The following CNTNAP2 variants were observed in gnomAD, a reference collection of about 807,000 sequenced individuals.
CNTNAP2 encodes contactin-associated protein-like 2.
A neutral mutation model predicts 155.2 loss-of-function variants in CNTNAP2; 98 were observed. The observed-to-expected ratio is 0.63, with a 90% CI of 0.54 to 0.75. The LOEUF (loss-of-function observed/expected upper bound fraction) is 0.75, where lower values mean the gene tolerates loss of function less well. CNTNAP2 is among the 30% of genes least tolerant of loss of function. CNTNAP2 has a pLI of 0.00. For synonymous variants in CNTNAP2, 651 were observed against 631.2 expected, an observed-to-expected ratio of 1.03 and a Z score of -0.47; for missense variants, 1,727 against 1,688.1, an observed-to-expected ratio of 1.02 and a Z score of -0.40.
intron 1 of CNTNAP2, among the ~76,000 whole-genome samples, chr7:146,318,884 T>C (rs1370252246): frequency 6.6e-6 from 1 of 152,218 alleles, no homozygotes; most frequent in African/African-American, 2.4e-5. Flanking sequence ...ACATAATATG[T>C]ATGTATAATC....
At chr7:146,924,382 C>T (rs1290244951) in intron 3 of CNTNAP2, among the ~76,000 whole-genome samples, 1 of 152,132 alleles carries the variant, frequency 6.6e-6, no homozygotes, top group Admixed American at 6.6e-5. Flanking sequence ...ATTCCATTCA[C>T]TGAGGTAGGC....
chr7:148,123,523 A>G (rs2116617033), intron 16 of CNTNAP2, among the ~76,000 whole-genome samples: 1 of 152,078 alleles, frequency 6.6e-6, no homozygotes, highest in South Asian at 2.1e-4. Flanking sequence ...CTCGAGCCCA[A>G]GAATTTGAGG....
At chr7:148,169,980 T>A (rs763342193) in intron 17 of CNTNAP2, among the ~76,000 whole-genome samples, 1 of 151,988 alleles carries the variant, frequency 6.6e-6, no homozygotes, top group Non-Finnish European at 1.5e-5. Flanking sequence ...AGTTTCATGA[T>A]ATGTTAAGTG....
chr7:146,886,547 T>C (rs1343551741), intron 3 of CNTNAP2, among the ~76,000 whole-genome samples: 1 of 151,320 alleles, frequency 6.6e-6, no homozygotes, highest in Non-Finnish European at 1.5e-5. Context: ...GCCTGGACTG[T>C]ATGTTTTTTT....
chr7:148,188,587 C>T (rs538813053), intron 18 of CNTNAP2, among the ~76,000 whole-genome samples: 1 of 152,334 alleles, frequency 6.6e-6, no homozygotes, highest in South Asian at 2.1e-4. Flanking sequence ...TCTCTCCCCT[C>T]TGGCAGTTTC....
intron 1 of CNTNAP2, among the ~76,000 whole-genome samples, chr7:146,505,784 G>A (rs539361639): frequency 3.3e-5 from 5 of 152,178 alleles, no homozygotes; most frequent in Non-Finnish European, 5.9e-5. Context: ...CTGGTTGGAG[G>A]AAGTCATCTT....
intron 13 of CNTNAP2, among the ~76,000 whole-genome samples, chr7:147,724,544 GTGT>G (rs1003930450): frequency 5.3e-5 from 8 of 152,008 alleles, no homozygotes; most frequent in Non-Finnish European, 1.0e-4. Context: ...TCCTGTTGAG[GTGT>G]TGTTGTTTAA....
At chr7:146,265,895 T>C (rs976005163) in intron 1 of CNTNAP2, among the ~76,000 whole-genome samples, 2 of 152,160 alleles carry the variant, frequency 1.3e-5, no homozygotes, top group Non-Finnish European at 2.9e-5. Flanking sequence ...TAAGGGGAGA[T>C]GAACCTTCTT....
chr7:147,723,039 A>G (rs565335040), intron 13 of CNTNAP2, among the ~76,000 whole-genome samples: 2 of 152,092 alleles, frequency 1.3e-5, no homozygotes, highest in Admixed American at 6.6e-5. Context: ...TAACACCTCC[A>G]TTTTGCAGAT....
intron 3 of CNTNAP2, among the ~76,000 whole-genome samples, chr7:146,987,846 CAAT>C (rs1178867439): frequency 2.0e-5 from 3 of 151,980 alleles, no homozygotes. Flanking sequence ...CAATGGTTAA[CAAT>C]AAGGTGGTTA....
rs1365384975 is a variant in CNTNAP2, at chr7:147,708,145, G to A, written c.2098+68839G>A. Among the ~76,000 whole-genome samples the A allele has an allele frequency of 2.6e-5, 4 of 152,174 alleles. No individual in the cohort carries two copies. The East Asian group carries it at 5.8e-4, about 22-fold the overall frequency. On this transcript the variant is annotated intron_variant, in intron 13 of 23. Transcript: ENST00000361727. The stretch of plus-strand genomic sequence containing the variant: ...GCAACCCTGCTACTGGGGAAGGCAA[G>A]GTTGCTTTCAGTGGCAGCAGCTGTA...
At chr7:146,158,013 C>T (rs1348449392) in intron 1 of CNTNAP2, among the ~76,000 whole-genome samples, 2 of 152,134 alleles carry the variant, frequency 1.3e-5, no homozygotes, top group Non-Finnish European at 2.9e-5. Context: ...CCTCATACAG[C>T]CGGGTGCCCC....
chr7:147,794,020 C>T (rs186559690), intron 13 of CNTNAP2, among the ~76,000 whole-genome samples: 1 of 151,856 alleles, frequency 6.6e-6, no homozygotes, highest in Non-Finnish European at 1.5e-5. Context: ...TTTTATTCTG[C>T]AACTTTGCTA....
At chr7:147,413,415 T>C (rs1797136456) in intron 10 of CNTNAP2, among the ~76,000 whole-genome samples, 1 of 152,156 alleles carries the variant, frequency 6.6e-6, no homozygotes, top group African/African-American at 2.4e-5. Context: ...GGTAGGGCGG[T>C]TGATACAGAT....
At chr7:147,798,077 G>A (rs1797929776) in intron 13 of CNTNAP2, among the ~76,000 whole-genome samples, 1 of 152,132 alleles carries the variant, frequency 6.6e-6, no homozygotes, top group Non-Finnish European at 1.5e-5. Context: ...AGGGCATATA[G>A]ATAATGAATA....
chr7:146,282,545 T>C (rs1332483902), intron 1 of CNTNAP2, among the ~76,000 whole-genome samples: 1 of 152,228 alleles, frequency 6.6e-6, no homozygotes, highest in Non-Finnish European at 1.5e-5. Context: ...TACTATTTCA[T>C]TTGATATTAA....
chr7:147,826,480 T>C (rs944970268), intron 13 of CNTNAP2, among the ~76,000 whole-genome samples: 8 of 152,202 alleles, frequency 5.3e-5, no homozygotes, highest in African/African-American at 1.9e-4. Flanking sequence ...AAGAATTTCC[T>C]TTCAATTTAC....
chr7:146,554,219 T>G (rs904891409), intron 1 of CNTNAP2, among the ~76,000 whole-genome samples: 22 of 152,284 alleles, frequency 1.4e-4, no homozygotes, highest in Admixed American at 1.2e-3. Flanking sequence ...TGCCAGTGCT[T>G]TAACTTGAAC....
At chr7:146,735,637 C>T (rs1801603569) in intron 1 of CNTNAP2, among the ~76,000 whole-genome samples, 1 of 139,064 alleles carries the variant, frequency 7.2e-6, no homozygotes, top group South Asian at 2.1e-4. Context: ...ACACCTCTAC[C>T]TTCTCTGTAT....
Sources: allele counts gnomAD v4.1 joint callset (sites outside exome capture counted in the v4.1 genomes callset), GRCh38; gene constraint gnomAD v4.1.1; transcripts MANE v1.5; gene names NCBI Gene and HGNC (gene_info 2026-07-23, HGNC 2026-07-21).